The following SMYD3 variants were observed in gnomAD, a reference collection of about 807,000 sequenced individuals.
The protein encoded by SMYD3 is SET and MYND domain containing 3.
In SMYD3, 36 loss-of-function variants were observed where a neutral mutation model predicts 57.7. That is an observed-to-expected ratio of 0.62 (90% CI 0.48 to 0.82). SMYD3 has a LOEUF of 0.82. SMYD3 is among the 40% of genes least tolerant of loss of function. The probability of loss-of-function intolerance (pLI) is 0.00; values close to 1 mark genes in which losing one functional copy is unlikely to be tolerated. For missense variants in SMYD3, 515 were observed against 538.8 expected (o/e 0.96, Z 0.44); for synonymous variants, 211 against 195.0 (o/e 1.08, Z -0.68).
intron 1 of SMYD3, among the ~76,000 whole-genome samples, chr1:246,506,748 G>T (rs1363542116): frequency 6.6e-6 from 1 of 152,178 alleles, no homozygotes; most frequent in Non-Finnish European, 1.5e-5. Context: ...AATTATCCCC[G>T]GCACAACGCT....
At chr1:246,109,185 TA>T (rs66511457) in intron 5 of SMYD3, among the ~76,000 whole-genome samples, 24,794 of 152,138 alleles carry the variant, frequency 0.16, 3,620 homozygotes, top group African/African-American at 0.39. Context: ...TGAACCACTC[TA>T]AAATGCAACT....
At chr1:246,457,890 A>C (rs778937671) in intron 1 of SMYD3, among the ~76,000 whole-genome samples, 1 of 152,214 alleles carries the variant, frequency 6.6e-6, no homozygotes, top group African/African-American at 2.4e-5. Context: ...TTCTTTCCAA[A>C]AGTTTTTCTG....
At chr1:246,436,900 C>CTTT (rs61263648) in intron 1 of SMYD3, among the ~76,000 whole-genome samples, 8,267 of 128,266 alleles carry the variant, frequency 0.064, 352 homozygotes, top group Admixed American at 0.12. Context: ...GAGTTTCTTT[C>CTTT]TTTTTTTTTT....
intron 5 of SMYD3, among the ~76,000 whole-genome samples, chr1:245,947,690 T>G (rs1174109069): frequency 1.3e-5 from 2 of 152,198 alleles, no homozygotes; most frequent in Non-Finnish European, 2.9e-5. Flanking sequence ...GGAAGCTTAG[T>G]AAATGGTAGC....
intron 5 of SMYD3, among the ~76,000 whole-genome samples, chr1:246,250,210 T>C (rs1480255691): frequency 6.6e-6 from 1 of 152,252 alleles, no homozygotes; most frequent in Non-Finnish European, 1.5e-5. Context: ...ATTCTCACCC[T>C]GTGATGACTG....
intron 1 of SMYD3, among the ~76,000 whole-genome samples, chr1:246,492,573 A>G (rs183855177): frequency 6.6e-6 from 1 of 152,364 alleles, no homozygotes; most frequent in Non-Finnish European, 1.5e-5. Flanking sequence ...ACTATTTAAC[A>G]AACGATAGAA....
intron 2 of SMYD3, among the ~76,000 whole-genome samples, chr1:246,337,973 T>TA (rs5782391): frequency 0.86 from 130,224 of 151,758 alleles, 56,186 homozygotes; most frequent in African/African-American, 0.92. Flanking sequence ...ATAGAGCTCC[T>TA]TTTCTCAACA....
At chr1:245,815,728 T>C (rs1284812941) in intron 10 of SMYD3, among the ~76,000 whole-genome samples, 1 of 152,236 alleles carries the variant, frequency 6.6e-6, no homozygotes, top group African/African-American at 2.4e-5. Context: ...TTACAGTCTA[T>C]AAAGTTTTTC....
chr1:245,788,540 T>C (rs1308211762), intron 10 of SMYD3, among the ~76,000 whole-genome samples: 1 of 152,218 alleles, frequency 6.6e-6, no homozygotes, highest in African/African-American at 2.4e-5. Context: ...AGAGATCACC[T>C]GCTTCAACCC....
intron 1 of SMYD3, among the ~76,000 whole-genome samples, chr1:246,364,222 C>CA (rs11361203): frequency 0.053 from 6,347 of 119,474 alleles, 174 homozygotes; most frequent in Non-Finnish European, 0.064. Context: ...GGTTGTAAGC[C>CA]AAAAAAAAAA....
intron 5 of SMYD3, among the ~76,000 whole-genome samples, chr1:245,997,911 G>A (rs975655663): frequency 6.6e-6 from 1 of 152,230 alleles, no homozygotes; most frequent in Non-Finnish European, 1.5e-5. Flanking sequence ...TCTGGCAGAT[G>A]CTCAGACAAG....
chr1:246,206,481 T>C (rs904721676), intron 5 of SMYD3, among the ~76,000 whole-genome samples: 2 of 152,188 alleles, frequency 1.3e-5, no homozygotes, highest in Admixed American at 1.3e-4. Context: ...TGGAATGTTC[T>C]AGTGGTACCA....
intron 3 of SMYD3, among the ~76,000 whole-genome samples, chr1:246,333,444 C>G (rs1004459596): frequency 1.3e-5 from 2 of 152,166 alleles, no homozygotes; most frequent in African/African-American, 2.4e-5. Flanking sequence ...CAAAAGAAAC[C>G]TGCAATGGAG....
At chr1:246,225,022 T>C (rs1490341681) in intron 5 of SMYD3, among the ~76,000 whole-genome samples, 1 of 151,266 alleles carries the variant, frequency 6.6e-6, no homozygotes, top group Non-Finnish European at 1.5e-5. Flanking sequence ...GGGAGCTCAG[T>C]ATAGCAATCA....
chr1:246,400,166 G>GT (rs1336222123), intron 1 of SMYD3, among the ~76,000 whole-genome samples: 9 of 152,138 alleles, frequency 5.9e-5, no homozygotes, highest in Non-Finnish European at 8.8e-5. Flanking sequence ...ACTGCCATCA[G>GT]TTTAACAGGT....
chr1:246,061,104 T>G (rs1384698541), intron 5 of SMYD3, among the ~76,000 whole-genome samples: 1 of 151,914 alleles, frequency 6.6e-6, no homozygotes, highest in African/African-American at 2.4e-5. Context: ...GCACCCATAA[T>G]CCCAGCTACT....
chr1:246,193,557 AC>A, intron 5 of SMYD3: 1 of 152,402 alleles, frequency 6.6e-6, no homozygotes, highest in Non-Finnish European at 1.5e-5. Context: ...TCACTGACCC[AC>A]CCCCATCACA....
intron 10 of SMYD3, among the ~76,000 whole-genome samples, chr1:245,804,284 T>C (rs2048029188): frequency 6.6e-6 from 1 of 152,168 alleles, no homozygotes; most frequent in Non-Finnish European, 1.5e-5. Flanking sequence ...GTGGTCTGGA[T>C]GTTCTCCCAA....
intron 4 of SMYD3, among the ~76,000 whole-genome samples, chr1:246,329,399 G>C (rs2065419906): frequency 6.6e-6 from 1 of 152,182 alleles, no homozygotes; most frequent in African/African-American, 2.4e-5. Context: ...GGTGTGAGAT[G>C]GTATCTCACT....
Sources: gnomAD v4.1 joint callset for allele counts (sites outside exome capture counted in the v4.1 genomes callset) on GRCh38, gnomAD v4.1.1 for gene constraint, MANE v1.5 for transcripts, NCBI Gene and HGNC (gene_info 2026-07-23, HGNC 2026-07-21) for gene names.